Variants in ADK observed in about 807,000 individuals in gnomAD.
ADK encodes adenosine kinase, also known as N6,N6-dimethyladenosine kinase.
In ADK, 24 loss-of-function variants were observed where a neutral mutation model predicts 44.7. The ratio of observed to expected loss-of-function variants is 0.54; its 90% confidence interval spans 0.39 to 0.76. The LOEUF is 0.76. Among genes scored for constraint, ADK ranks in the 30% least tolerant of loss-of-function variants. The pLI is 0.00. For missense variants in ADK, 321 were observed against 425.1 expected, an observed-to-expected ratio of 0.76 and a Z score of 2.15; for synonymous variants, 128 against 142.6, an observed-to-expected ratio of 0.90 and a Z score of 0.73.
intron 7 of ADK, among the ~76,000 whole-genome samples, chr10:74,545,867 A>T (rs1849804073): frequency 6.6e-6 from 1 of 152,204 alleles, no homozygotes; most frequent in South Asian, 2.1e-4. Flanking sequence ...AAATTAAGAT[A>T]GAATTCTTAA....
intron 1 of ADK, among the ~76,000 whole-genome samples, chr10:74,157,765 G>A (rs532882600): frequency 6.6e-6 from 1 of 151,694 alleles, no homozygotes; most frequent in Admixed American, 6.6e-5. Context: ...GGTGGTCCAT[G>A]CCTATAATCC....
intron 2 of ADK, among the ~76,000 whole-genome samples, chr10:74,201,668 G>A (rs1264038567): frequency 8.1e-6 from 1 of 123,996 alleles, no homozygotes; most frequent in African/African-American, 3.5e-5. Flanking sequence ...ATGTATGTAT[G>A]TATGTATGTA....
At chr10:74,578,696 A>G (rs374267823) in intron 7 of ADK, among the ~76,000 whole-genome samples, 1 of 152,252 alleles carries the variant, frequency 6.6e-6, no homozygotes, top group East Asian at 1.9e-4. Flanking sequence ...CCAGGGAAAA[A>G]AAAGTGAAGA....
intron 6 of ADK, among the ~76,000 whole-genome samples, chr10:74,426,977 T>C (rs1169917389): frequency 6.6e-6 from 1 of 152,116 alleles, no homozygotes; most frequent in Non-Finnish European, 1.5e-5. Context: ...GTGTGTTATG[T>C]TCCCTTCCGT....
intron 6 of ADK, among the ~76,000 whole-genome samples, chr10:74,499,864 AT>A (rs1198792577): frequency 2.6e-5 from 4 of 151,810 alleles, no homozygotes; most frequent in African/African-American, 9.7e-5. Flanking sequence ...TTCTCTGATC[AT>A]TTTTTTTAGG....
intron 6 of ADK, among the ~76,000 whole-genome samples, chr10:74,514,066 G>T (rs77531554): frequency 6.6e-6 from 1 of 152,204 alleles, no homozygotes; most frequent in South Asian, 2.1e-4. Context: ...ATTTCTGAAG[G>T]TTAGCTTTGC....
intron 4 of ADK, among the ~76,000 whole-genome samples, chr10:74,370,477 A>G (rs1842624311): frequency 6.6e-6 from 1 of 152,154 alleles, no homozygotes; most frequent in African/African-American, 2.4e-5. Context: ...GGAAATCAGA[A>G]CTAGCTTAAA....
At chr10:74,420,390 G>A (rs1160888535) in intron 6 of ADK, among the ~76,000 whole-genome samples, 1 of 152,108 alleles carries the variant, frequency 6.6e-6, no homozygotes, top group Non-Finnish European at 1.5e-5. Flanking sequence ...AGCTATCATA[G>A]CACATCTATT....
intron 7 of ADK, among the ~76,000 whole-genome samples, chr10:74,562,033 C>T (rs994249856): frequency 6.6e-6 from 1 of 152,214 alleles, no homozygotes; most frequent in African/African-American, 2.4e-5. Context: ...TTCTCGCCTT[C>T]TCTAGGTCCC....
intron 7 of ADK, among the ~76,000 whole-genome samples, chr10:74,538,771 T>C (rs1023342860): frequency 8.5e-5 from 13 of 152,214 alleles, no homozygotes; most frequent in Admixed American, 2.6e-4. Flanking sequence ...AGAGACTTTA[T>C]TGATATTTTG....
At chr10:74,280,874 G>T (rs567055423) in intron 3 of ADK, among the ~76,000 whole-genome samples, 2 of 152,216 alleles carry the variant, frequency 1.3e-5, no homozygotes, top group East Asian at 3.9e-4. Flanking sequence ...CACATATTTT[G>T]AATTGTAGTT....
intron 9 of ADK, among the ~76,000 whole-genome samples, chr10:74,619,012 TTGTGTGTGTGTGTGTGTGTGTG>T (rs56168944): frequency 2.9e-5 from 4 of 139,382 alleles, no homozygotes; most frequent in African/African-American, 8.1e-5. Flanking sequence ...TTTATGCTCT[TTGTGTGTGTGTGTGTGTGTGTG>T]TGTGTGTGTG....
chr10:74,539,308 A>C (rs1849552396), intron 7 of ADK, among the ~76,000 whole-genome samples: 1 of 152,194 alleles, frequency 6.6e-6, no homozygotes, highest in Non-Finnish European at 1.5e-5. Context: ...GATTACAGGC[A>C]TGAGCGACCA....
At chr10:74,278,737 A>AT (rs1846800403) in intron 3 of ADK, among the ~76,000 whole-genome samples, 1 of 152,102 alleles carries the variant, frequency 6.6e-6, no homozygotes, top group Admixed American at 6.5e-5. Context: ...TATAGGCATG[A>AT]TGATAGCACA....
intron 3 of ADK, among the ~76,000 whole-genome samples, chr10:74,307,880 C>T (rs1279969669): frequency 6.6e-6 from 1 of 152,138 alleles, no homozygotes; most frequent in Admixed American, 6.6e-5. Context: ...GGGGGTGATG[C>T]TCTAGGTTTA....
chr10:74,184,002 C>T (rs958185940), intron 1 of ADK, among the ~76,000 whole-genome samples: 5 of 152,054 alleles, frequency 3.3e-5, no homozygotes, highest in African/African-American at 7.2e-5. Flanking sequence ...CCGCAACCTC[C>T]GCCTCCCGGA....
chr10:74,162,562 T>TGTGTGA (rs1491451885), intron 1 of ADK, among the ~76,000 whole-genome samples: 23 of 134,598 alleles, frequency 1.7e-4, no homozygotes, highest in African/African-American at 6.1e-4. Context: ...TGTGTGTGTG[T>TGTGTGA]GAGACAGAGT....
At chr10:74,410,299 G>C (rs560789592) in intron 6 of ADK, among the ~76,000 whole-genome samples, 1 of 152,174 alleles carries the variant, frequency 6.6e-6, no homozygotes, top group South Asian at 2.1e-4. Context: ...AAAGATTTGA[G>C]AAAGTTTCAG....
At chr10:74,172,904 CAA>C (rs201918365) in intron 1 of ADK, among the ~76,000 whole-genome samples, 101 of 109,460 alleles carry the variant, frequency 9.2e-4, no homozygotes, top group Middle Eastern at 4.2e-3. Flanking sequence ...GACTCCATGT[CAA>C]AAAAAAAAAA....
Sources: allele counts gnomAD v4.1 joint callset (sites outside exome capture counted in the v4.1 genomes callset), GRCh38; gene constraint gnomAD v4.1.1; transcripts MANE v1.5; gene names NCBI Gene and HGNC (gene_info 2026-07-23, HGNC 2026-07-21).